MICU2: variants seen among roughly 807,000 people sequenced by gnomAD.
MICU2 encodes the protein calcium uptake protein 2, mitochondrial.
Under a neutral mutation model 60.4 loss-of-function variants are expected in MICU2, and 64 were observed. The ratio of observed to expected loss-of-function variants is 1.06; its 90% confidence interval spans 0.87 to 1.31. The LOEUF is 1.31. MICU2 is among the 50% of genes most tolerant of loss of function. MICU2 has a pLI of 0.00. For synonymous variants in MICU2, 201 were observed against 175.0 expected (o/e 1.15, Z -1.17); for missense variants, 569 against 531.0 (o/e 1.07, Z -0.70).
rs1885903459 is a variant in MICU2 at position 21,493,196 on chromosome 13, T to C, written c.*53A>G. ...ATAAATAGCAAGTACTTCTAAAAAA[T>C]CACAAATTTTGACATTTGGAACAAT... On this transcript the variant is annotated 3_prime_UTR_variant, in exon 12 of 12. Transcript: ENST00000382374. 7.8e-7 allele frequency: 1 copy of C among 1,273,888 alleles called. No homozygotes were observed. The highest frequency in any genetic ancestry group is 1.1e-6 in the Non-Finnish European group (1 of 917,358). 78.9% of individuals were successfully genotyped at this position (1,273,888 alleles called of 1,614,324 possible).
At position 21,515,207 on chromosome 13, in the gene MICU2, G is replaced by A. The variant is rs1320451344; in HGVS notation, c.598-789C>T. 3.3e-5 allele frequency among the ~76,000 whole-genome samples: 5 copies of A among 151,112 alleles called. No homozygotes were observed. In the South Asian group the frequency reaches 6.3e-4, roughly 19 times the overall value. On this transcript the variant is annotated intron_variant, in intron 6 of 11. Transcript: ENST00000382374. ...CGCCATTCTCCTGCCTCAGCCTCCC[G>A]AGTAGCTGGGACTACAGGCACCCGC...
chr13:21,537,230 C>T (rs1293983880), intron 4 of MICU2, among the ~76,000 whole-genome samples: 5 of 152,182 alleles, frequency 3.3e-5, no homozygotes, highest in African/African-American at 1.2e-4. Flanking sequence ...ACTGTTAACT[C>T]CCTAGGCCGT....
In MICU2 at chr13:21,496,158, G is replaced by A. The variant is rs140106105; in HGVS notation, c.936C>T (p.Ser312=). 35 of 1,606,916 alleles carry A rather than the reference G, an allele frequency of 2.2e-5. No homozygotes were observed. The African/African-American group carries it at 4.3e-4, about 20-fold the overall frequency. Reference sequence around the variant, plus strand: ...ATGACTTGAATTCATCCAAACTAATGCTCTAATAAAGTAAGAGTTTTTATT... The same window carrying A: ...ATGACTTGAATTCATCCAAACTAATACTCTAATAAAGTAAGAGTTTTTATT... ...NVREKLSAGE[S]ISLDEFKSFC... is the part of the protein sequence containing the mutation. The change falls in exon 10 of 12, where the codon AGC becomes AGT. Residue 312 remains serine (S), a splice_region_variant and synonymous_variant. Coordinates refer to ENST00000382374, the MANE Select transcript of MICU2 (RefSeq NM_152726.3).
intron 9 of MICU2, among the ~76,000 whole-genome samples, chr13:21,499,535 C>T (rs765402898): frequency 2.0e-5 from 3 of 151,584 alleles, no homozygotes; most frequent in South Asian, 4.2e-4. Context: ...CTCTGCCTCC[C>T]GAGTAGCTGG....
intron 1 of MICU2, 124 bp downstream of exon 1, chr13:21,603,815 A>C (rs994905533): frequency 1.8e-6 from 2 of 1,108,834 alleles, no homozygotes; most frequent in Admixed American, 2.6e-5. Context: ...GGGCGCTCCG[A>C]TCCGCAGCGG....
chr13:21,503,103 T>A lies in MICU2; in HGVS notation c.762-6A>T. ...TTTGTAAATTTTCCATAAATCTGAATGTTAAAATACAAAATTAGTAAGGTA... is the reference window on the plus strand; with the variant it reads ...TTTGTAAATTTTCCATAAATCTGAAAGTTAAAATACAAAATTAGTAAGGTA... On this transcript the variant is annotated splice_region_variant and splice_polypyrimidine_tract_variant and intron_variant, in intron 8 of 11. Transcript: ENST00000382374. The A allele has an allele frequency of 6.3e-7, 1 of 1,580,680 alleles. No individual in the cohort carries two copies. Among genetic ancestry groups the A allele is most frequent in the South Asian group, 1.2e-5 (1 of 86,404 alleles).
intron 1 of MICU2, 110 bp from the exon 2 acceptor site, chr13:21,567,054 CT>C: frequency 1.1e-6 from 1 of 875,294 alleles, no homozygotes; most frequent in Non-Finnish European, 1.7e-6. Context: ...AATCCCCAAA[CT>C]TTTAAAATCA....
At chr13:21,596,248 A>G (rs1021668473) in intron 1 of MICU2, among the ~76,000 whole-genome samples, 1 of 152,132 alleles carries the variant, frequency 6.6e-6, no homozygotes. Context: ...ATGGGCTGAA[A>G]GAAGGGGAGA....
intron 8 of MICU2, among the ~76,000 whole-genome samples, chr13:21,509,610 C>T (rs1000518938): frequency 1.3e-5 from 2 of 152,190 alleles, no homozygotes; most frequent in Non-Finnish European, 2.9e-5. Flanking sequence ...ATCAGCCAAT[C>T]CTGTTCCAAT....
At chr13:21,493,615 A>G (rs986669776) in intron 11 of MICU2, among the ~76,000 whole-genome samples, 2 of 152,188 alleles carry the variant, frequency 1.3e-5, no homozygotes, top group Admixed American at 6.6e-5. Context: ...AGGGTAATGA[A>G]GACTTTGGGC....
Position 21,603,668 on chromosome 13 carries a change from C to A in MICU2, c.210+271G>T, listed in dbSNP as rs1888878427. On this transcript the variant is annotated intron_variant, in intron 1 of 11. Transcript: ENST00000382374. The stretch of plus-strand genomic sequence containing the variant: ...ACTCATCACCACTAAATTAGTGCGG[C>A]CAGTTTTGTGGGCCGTGGTGTTCAG... 9.4e-6 allele frequency: 5 copies of A among 529,606 alleles called. No individual in the cohort carries two copies. The South Asian group carries it at 1.2e-4, about 13-fold the overall frequency. The allele number at this position is 529,606 out of a possible 1,614,324, so 32.8% of individuals were successfully genotyped here.
intron 1 of MICU2, among the ~76,000 whole-genome samples, chr13:21,600,042 T>G (rs1443834858): frequency 6.6e-6 from 1 of 152,202 alleles, no homozygotes; most frequent in African/African-American, 2.4e-5. Context: ...CGATGAAATT[T>G]TGTCAATGAA....
chr13:21,586,910 C>T lies in MICU2; in HGVS notation c.210+17029G>A, dbSNP rs150426664. Among the ~76,000 whole-genome samples, 3 of 152,234 alleles carry T rather than the reference C, an allele frequency of 2.0e-5. No homozygotes were observed. The East Asian group carries it at 5.8e-4, about 29-fold the overall frequency. Reference sequence around the variant, plus strand: ...GCATTAAAGTTGGTGAGAGAAGATGCTTAATTTTGTTTTCCTAGAAGCTGC... The same window carrying T: ...GCATTAAAGTTGGTGAGAGAAGATGTTTAATTTTGTTTTCCTAGAAGCTGC... On this transcript the variant is annotated intron_variant, in intron 1 of 11. Coordinates refer to ENST00000382374, the MANE Select transcript of MICU2 (RefSeq NM_152726.3).
chr13:21,578,937 T>C (rs1888286140), intron 1 of MICU2, among the ~76,000 whole-genome samples: 1 of 152,352 alleles, frequency 6.6e-6, no homozygotes, highest in East Asian at 1.9e-4. Flanking sequence ...AGAAACAGAA[T>C]GCTCTGAAAC....
At chr13:21,506,422 C>G (rs1886293945) in intron 8 of MICU2, among the ~76,000 whole-genome samples, 1 of 152,194 alleles carries the variant, frequency 6.6e-6, no homozygotes, top group South Asian at 2.1e-4. Context: ...CATACTATAA[C>G]TAACTGCACA....
intron 7 of MICU2, among the ~76,000 whole-genome samples, chr13:21,510,360 G>C (rs2296977): frequency 0.4 from 60,653 of 151,938 alleles, 12,856 homozygotes; most frequent in East Asian, 0.66. Context: ...CAAGATCTTA[G>C]ATCAGGCCAA....
Position 21,559,068 on chromosome 13 carries a change from T to G in MICU2, c.358+7729A>C, listed in dbSNP as rs145791353. On this transcript the variant is annotated intron_variant, in intron 2 of 11. Coordinates refer to ENST00000382374, the MANE Select transcript of MICU2 (RefSeq NM_152726.3). The stretch of plus-strand genomic sequence containing the variant: ...GGTTCAAGCATCCCAGACTCTTAGT[T>G]TTCTTATCCAATTTTAGTAGATTTT... 3.9e-4 allele frequency among the ~76,000 whole-genome samples: 59 copies of G among 152,234 alleles called. 1 individual carries two copies. The East Asian group carries it at 7.9e-3, about 20-fold the overall frequency.
At chr13:21,551,311 T>C (rs1216989988) in intron 2 of MICU2, 1 of 152,418 alleles carries the variant, frequency 6.6e-6, no homozygotes, top group Non-Finnish European at 1.5e-5. Context: ...AAAAAATAAA[T>C]GGAATGCTTC....
chr13:21,503,877 G>A (rs970875314), intron 8 of MICU2, among the ~76,000 whole-genome samples: 1 of 152,102 alleles, frequency 6.6e-6, no homozygotes, highest in East Asian at 1.9e-4. Flanking sequence ...TGAAAAGATC[G>A]GTACTATCTG....
Sources: allele counts gnomAD v4.1 joint callset (sites outside exome capture counted in the v4.1 genomes callset), GRCh38; gene constraint gnomAD v4.1.1; transcripts MANE v1.5; gene names NCBI Gene and HGNC (gene_info 2026-07-23, HGNC 2026-07-21).